Variants in MRPS18B observed in about 807,000 individuals in gnomAD.
The protein encoded by MRPS18B is mitochondrial ribosomal protein S18B, also known as small ribosomal subunit protein mS40.
In MRPS18B, 27 loss-of-function variants were observed where a neutral mutation model predicts 28.4. The observed-to-expected ratio is 0.95, with a 90% CI of 0.70 to 1.31. The LOEUF is 1.31. Among genes scored for constraint, MRPS18B ranks in the 40% most tolerant of loss-of-function variants. The probability of loss-of-function intolerance (pLI) is 0.00; values close to 1 mark genes in which losing one functional copy is unlikely to be tolerated. For synonymous variants in MRPS18B, 118 were observed against 123.7 expected (o/e 0.95, Z 0.30); for missense variants, 343 against 335.9 (o/e 1.02, Z -0.17).
intron 4 of MRPS18B, among the ~76,000 whole-genome samples, chr6:30,622,290 C>T (rs1013406813): frequency 1.3e-5 from 2 of 151,956 alleles, no homozygotes; most frequent in African/African-American, 4.8e-5. Context: ...AGCCCAGGCG[C>T]GGTGGCTCAT....
intron 4 of MRPS18B, among the ~76,000 whole-genome samples, chr6:30,620,375 C>T (rs1761079390): frequency 6.6e-6 from 1 of 151,916 alleles, no homozygotes; most frequent in African/African-American, 2.4e-5. Context: ...TTAGGAGCCC[C>T]TTTGCAGTGC....
intron 6 of MRPS18B, 112 bp downstream of exon 6, chr6:30,625,054 T>C (rs1008658507): frequency 7.1e-6 from 8 of 1,134,158 alleles, no homozygotes; most frequent in Admixed American, 4.1e-5. Flanking sequence ...GCACCCAGCA[T>C]GTTCTTCCTG....
chr6:30,623,027 A>T, intron 5 of MRPS18B, 129 bp downstream of exon 5: 2 of 917,564 alleles, frequency 2.2e-6, no homozygotes, highest in Non-Finnish European at 3.4e-6. Context: ...AACCTTTTGG[A>T]AATCTTGGCT....
At chr6:30,625,415 T>G in intron 6 of MRPS18B, 87 bp from the exon 7 acceptor site, 1 of 1,302,014 alleles carries the variant, frequency 7.7e-7, no homozygotes. Flanking sequence ...CTCTGACTGG[T>G]CCTTCCCTTT....
chr6:30,623,932 T>C (rs1761325008), intron 5 of MRPS18B, among the ~76,000 whole-genome samples: 1 of 152,002 alleles, frequency 6.6e-6, no homozygotes, highest in African/African-American at 2.4e-5. Context: ...CATGCCACCA[T>C]GTCCGGCAAA....
rs556011045 is a variant in MRPS18B at position 30,626,031 on chromosome 6, G to A, written c.*234G>A. Reference sequence around the variant, plus strand: ...GTAGGATCACTTGATCCCAGGAGGCGGAGGTTGCAGTGAGTTGCAGTCACA... The same window carrying A: ...GTAGGATCACTTGATCCCAGGAGGCAGAGGTTGCAGTGAGTTGCAGTCACA... On this transcript the variant is annotated 3_prime_UTR_variant, in exon 7 of 7. Coordinates refer to ENST00000259873, the MANE Select transcript of MRPS18B (RefSeq NM_014046.4). The A allele has an allele frequency of 2.8e-5, 14 of 500,284 alleles. No homozygotes were observed. Among genetic ancestry groups the A allele is most frequent in the African/African-American group, 9.7e-5 (5 of 51,646 alleles). 31.0% of individuals were successfully genotyped at this position (500,284 alleles called of 1,614,324 possible).
intron 4 of MRPS18B, among the ~76,000 whole-genome samples, chr6:30,620,848 G>A (rs1475620640): frequency 6.6e-6 from 1 of 152,120 alleles, no homozygotes; most frequent in Non-Finnish European, 1.5e-5. Flanking sequence ...GATTACAGGT[G>A]TGAGCCACCA....
At chr6:30,621,839 C>G (rs1358062830) in intron 4 of MRPS18B, among the ~76,000 whole-genome samples, 1 of 151,866 alleles carries the variant, frequency 6.6e-6, no homozygotes, top group Admixed American at 6.6e-5. Flanking sequence ...CCCAGCTTCT[C>G]AGGAGGCTGA....
Position 30,625,013 on chromosome 6 carries a change from A to G in MRPS18B, c.481+71A>G. 5.8e-6 allele frequency: 9 copies of G among 1,543,360 alleles called. No homozygotes were observed. The South Asian group carries it at 7.9e-5, about 14-fold the overall frequency. Reference sequence around the variant, plus strand: ...AAGATGACTTAGGGCTAGAAAATGGATATAAATGCTCACACCTGTTCAAGA... The same window carrying G: ...AAGATGACTTAGGGCTAGAAAATGGGTATAAATGCTCACACCTGTTCAAGA... On this transcript the variant is annotated intron_variant, in intron 6 of 6. Transcript: ENST00000259873.
intron 5 of MRPS18B, among the ~76,000 whole-genome samples, chr6:30,623,508 A>C (rs971209990): frequency 5.3e-5 from 8 of 152,350 alleles, no homozygotes; most frequent in African/African-American, 1.7e-4. Flanking sequence ...CAATTGGATT[A>C]GATTTTCCAA....
chr6:30,624,116 C>T (rs1385784416), intron 5 of MRPS18B, among the ~76,000 whole-genome samples: 1 of 149,238 alleles, frequency 6.7e-6, no homozygotes, highest in Non-Finnish European at 1.5e-5. Flanking sequence ...GGGATGAAAT[C>T]TCATTTACTC....
At chr6:30,624,840 T>C (rs745878841) in intron 5 of MRPS18B, 43 bp from the exon 6 acceptor site, 3 of 1,604,052 alleles carry the variant, frequency 1.9e-6, no homozygotes, top group Non-Finnish European at 2.6e-6. Flanking sequence ...TGTGTTCTAT[T>C]ATTTACTGTG....
At chr6:30,625,079 CCT>C (rs984789538) in intron 6 of MRPS18B, 137 bp downstream of exon 6, 16 of 869,806 alleles carry the variant, frequency 1.8e-5, no homozygotes, top group Middle Eastern at 4.5e-4. Context: ...TACATTGTCC[CCT>C]GTCCTTTCTC....
chr6:30,624,605 C>T (rs1262059890), intron 5 of MRPS18B, among the ~76,000 whole-genome samples: 5 of 152,166 alleles, frequency 3.3e-5, no homozygotes, highest in Admixed American at 1.3e-4. Flanking sequence ...ACCACACTTG[C>T]CCATTAAATT....
intron 4 of MRPS18B, 127 bp from the exon 5 acceptor site, chr6:30,622,705 T>C (rs544937972): frequency 2.9e-5 from 23 of 799,472 alleles, no homozygotes; most frequent in Non-Finnish European, 4.0e-5. Context: ...GGATGGCATC[T>C]GGAGAGCTGT....
chr6:30,621,219 T>C (rs1479021729), intron 4 of MRPS18B, among the ~76,000 whole-genome samples: 1 of 150,200 alleles, frequency 6.7e-6, no homozygotes, highest in Admixed American at 6.6e-5. Context: ...CTGGCCAACG[T>C]GGTGAAACCC....
At chr6:30,618,554 T>A (rs1760904879) in intron 1 of MRPS18B, 1 of 152,450 alleles carries the variant, frequency 6.6e-6, no homozygotes. Context: ...TCTTGTGTAC[T>A]CACCTCTCTG....
At chr6:30,622,332 G>C (rs568810609) in intron 4 of MRPS18B, among the ~76,000 whole-genome samples, 2 of 152,080 alleles carry the variant, frequency 1.3e-5, no homozygotes, top group African/African-American at 2.4e-5. Context: ...TGAGGCCAAG[G>C]TGGGTGTATC....
At chr6:30,619,655 G>A (rs1761012177) in intron 2 of MRPS18B, 54 bp downstream of exon 2, 1 of 1,608,852 alleles carries the variant, frequency 6.2e-7, no homozygotes, top group African/African-American at 1.3e-5. Flanking sequence ...TAAGTGGACA[G>A]AGCCACCCAC....
Sources: gnomAD v4.1 joint callset for allele counts (sites outside exome capture counted in the v4.1 genomes callset) on GRCh38, gnomAD v4.1.1 for gene constraint, MANE v1.5 for transcripts, NCBI Gene and HGNC (gene_info 2026-07-23, HGNC 2026-07-21) for gene names.